Variants in GRB7 observed in about 807,000 individuals in gnomAD.
The protein encoded by GRB7 is growth factor receptor-bound protein 7.
Under a neutral mutation model 64.1 loss-of-function variants are expected in GRB7, and 47 were observed. The ratio of observed to expected loss-of-function variants is 0.73; its 90% confidence interval spans 0.58 to 0.94. The LOEUF (loss-of-function observed/expected upper bound fraction) is 0.94, where lower values mean the gene tolerates loss of function less well. Among genes scored for constraint, GRB7 ranks in the 40% least tolerant of loss-of-function variants. The probability of loss-of-function intolerance (pLI) is 0.00; values close to 1 mark genes in which losing one functional copy is unlikely to be tolerated. For synonymous variants in GRB7, 277 were observed against 279.9 expected (o/e 0.99, Z 0.10); for missense variants, 634 against 718.4 (o/e 0.88, Z 1.34).
rs548175182 is a variant in GRB7 at position 39,746,928 on chromosome 17, C to G, written c.*31C>G. On this transcript the variant is annotated 3_prime_UTR_variant, in exon 15 of 15. Coordinates refer to ENST00000309156, the MANE Select transcript of GRB7 (RefSeq NM_005310.5). ...CCGTGGACTGGCTCATGCCTCAGCCCGCCTTCAGGCTGCCCGCCGCCCCTC... is the reference window on the plus strand; with the variant it reads ...CCGTGGACTGGCTCATGCCTCAGCCGGCCTTCAGGCTGCCCGCCGCCCCTC... 6.3e-7 allele frequency: 1 copy of G among 1,580,574 alleles called. No homozygotes were observed. The highest frequency in any genetic ancestry group is 1.3e-5 in the African/African-American group (1 of 74,584).
At chr17:39,740,003 T>A (rs916836293) in intron 1 of GRB7, 3 of 985,392 alleles carry the variant, frequency 3.0e-6, no homozygotes, top group Non-Finnish European at 3.6e-6. Context: ...CTCTCTGATC[T>A]CTGAGGCCAG....
chr17:39,740,134 CCTGGAATGAAGTCA>C, intron 1 of GRB7: 1 of 985,636 alleles, frequency 1.0e-6, no homozygotes, highest in Non-Finnish European at 1.2e-6. Context: ...CCCCCTGCAG[CCTGGAATGAAGTCA>C]CTGGGGCTGT....
intron 1 of GRB7, chr17:39,740,129 T>A (rs1597901922): frequency 2.0e-6 from 2 of 985,498 alleles, no homozygotes; most frequent in South Asian, 9.4e-5. Flanking sequence ...CGTGGCCCCC[T>A]GCAGCCTGGA....
rs578261011 is a variant in GRB7, at chr17:39,743,311, T to C, written c.585+10T>C. On this transcript the variant is annotated intron_variant, in intron 5 of 14. Transcript: ENST00000309156. Reference sequence around the variant, plus strand: ...GTTCAAGAGCTCCCCAGTGAGTGCATGAGGGCTGTCTGGGCGCTGGGATGC... The same window carrying C: ...GTTCAAGAGCTCCCCAGTGAGTGCACGAGGGCTGTCTGGGCGCTGGGATGC... The C allele has an allele frequency of 3.8e-5, 61 of 1,614,186 alleles. 1 individual carries two copies. The highest frequency in any genetic ancestry group is 2.9e-4 in the South Asian group (26 of 91,088).
At chr17:39,743,925 C>A in intron 6 of GRB7, 145 bp from the exon 7 acceptor site, 1 of 975,322 alleles carries the variant, frequency 1.0e-6, no homozygotes, top group South Asian at 1.7e-5. Context: ...CTCGGGAGGT[C>A]GAGGTTGCAG....
At chr17:39,739,177 G>GC (rs1035161543) in intron 1 of GRB7, among the ~76,000 whole-genome samples, 3 of 82,486 alleles carry the variant, frequency 3.6e-5, no homozygotes, top group African/African-American at 1.5e-4. Context: ...TAGCCGCACC[G>GC]CCCCCCAGGA....
chr17:39,746,624 A>T, intron 14 of GRB7, 127 bp from the exon 15 acceptor site: 1 of 1,300,500 alleles, frequency 7.7e-7, no homozygotes, highest in Non-Finnish European at 1.0e-6. Flanking sequence ...CTCAAAAAAA[A>T]AAAAAGAAAG....
intron 1 of GRB7, chr17:39,740,050 C>T (rs2059981917): frequency 8.1e-6 from 8 of 985,502 alleles, no homozygotes; most frequent in Non-Finnish European, 9.6e-6. Context: ...TAACCCCTTC[C>T]AAGCACTGCC....
At chr17:39,743,635 C>G in intron 6 of GRB7, 165 bp downstream of exon 6, 1 of 644,672 alleles carries the variant, frequency 1.6e-6, no homozygotes, top group African/African-American at 1.8e-5. Context: ...TCAGTTTCTT[C>G]TATTAAATGG....
intron 6 of GRB7, 28 bp from the exon 7 acceptor site, chr17:39,744,042 C>G (rs1203984683): frequency 6.2e-7 from 1 of 1,612,990 alleles, no homozygotes; most frequent in East Asian, 2.2e-5. Context: ...TCAGACCTGT[C>G]ACTCTCCTCT....
In GRB7 at chr17:39,742,242, C is replaced by G; in HGVS notation, c.-50-10C>G. The G allele has an allele frequency of 6.2e-7, 1 of 1,604,836 alleles. No homozygotes were observed. Among genetic ancestry groups the G allele is most frequent in the East Asian group, 2.2e-5 (1 of 44,828 alleles). ...CAGGAGGTCTGAATTCTCTCATCCC[C>G]TCTCCCCAGGACAAGGGCACACAAC... On this transcript the variant is annotated splice_polypyrimidine_tract_variant and intron_variant, in intron 1 of 14. Coordinates refer to ENST00000309156, the MANE Select transcript of GRB7 (RefSeq NM_005310.5).
Position 39,746,199 on chromosome 17 carries a change from G to A in GRB7, c.1449G>A (p.Leu483=), listed in dbSNP as rs762393690. 8 of 1,612,808 alleles carry A rather than the reference G, an allele frequency of 5.0e-6. No homozygotes were observed. In the African/African-American group the frequency reaches 8.0e-5, roughly 16 times the overall value. The change falls in exon 14 of 15, where the codon CTG becomes CTA. Residue 483 remains leucine (L), a synonymous_variant. Coordinates refer to ENST00000309156, the MANE Select transcript of GRB7 (RefSeq NM_005310.5). ...HLQKVKHYLI[L]PSEEEGRLYF... ...AGAAAGTGAAGCATTATCTCATCCTGCCGGTGAGCTTCCCTGCGTCCCCGG... is the reference window on the plus strand; with the variant it reads ...AGAAAGTGAAGCATTATCTCATCCTACCGGTGAGCTTCCCTGCGTCCCCGG...
Position 39,746,733 on chromosome 17 carries a change from C to G in GRB7, c.1453-18C>G, listed in dbSNP as rs563356254. The stretch of plus-strand genomic sequence containing the variant: ...TCGGGCCCCTCCCTGAACTTCCACC[C>G]CCTTTACTGTACCCCAGAGCGAGGA... On this transcript the variant is annotated intron_variant, in intron 14 of 14. Coordinates refer to ENST00000309156, the MANE Select transcript of GRB7 (RefSeq NM_005310.5). The G allele has an allele frequency of 7.4e-6, 12 of 1,613,108 alleles. No individual in the cohort carries two copies. The East Asian group carries it at 2.5e-4, about 33-fold the overall frequency.
chr17:39,743,259 C>A lies in GRB7; in HGVS notation c.543C>A (p.Phe181Leu), dbSNP rs1476119490. Residue 181 changes from phenylalanine (F) to leucine (L), a missense_variant, in exon 5 of 15, where the codon TTC becomes TTA. Transcript: ENST00000309156. ...WPVGGDSRFV[F>L]RKNFAKYELF... is the part of the protein sequence containing the mutation. The stretch of plus-strand genomic sequence containing the variant: ...TGGGCGGAGATAGCCGCTTCGTCTT[C>A]CGGAAAAACTTCGCCAAGTACGAAC... The A allele has an allele frequency of 6.2e-7, 1 of 1,614,208 alleles. No homozygotes were observed. Among genetic ancestry groups the A allele is most frequent in the Non-Finnish European group, 8.5e-7 (1 of 1,180,036 alleles).
intron 14 of GRB7, 42 bp from the exon 15 acceptor site, chr17:39,746,709 C>T (rs367546209): frequency 1.9e-4 from 301 of 1,600,008 alleles, no homozygotes; most frequent in Middle Eastern, 1.0e-3. Flanking sequence ...TCCCAAGCCT[C>T]GGGCCCCTCC....
In GRB7 at chr17:39,742,988, C is replaced by T; in HGVS notation, c.397C>T (p.Gln133Ter). ...TCGCCACGTGTGTGAAATGCTGGTGCAGCGAGCTCACGCCTTGAGCGACGA... is the reference window on the plus strand; with the variant it reads ...TCGCCACGTGTGTGAAATGCTGGTGTAGCGAGCTCACGCCTTGAGCGACGA... ...TARHVCEMLV[Q>*]RAHALSDETW... Residue 133 changes from glutamine (Q) to a stop codon, truncating the protein, a stop_gained, in exon 4 of 15, where the codon CAG becomes TAG. Transcript: ENST00000309156. LOFTEE classifies it high-confidence loss of function. The T allele has an allele frequency of 6.2e-7, 1 of 1,613,320 alleles. No individual in the cohort carries two copies. Among genetic ancestry groups the T allele is most frequent in the East Asian group, 2.2e-5 (1 of 44,878 alleles).
Position 39,740,659 on chromosome 17 carries a change from C to G in GRB7, c.-50-1593C>G, listed in dbSNP as rs553340242. 3.9e-5 allele frequency among the ~76,000 whole-genome samples: 6 copies of G among 152,302 alleles called. No homozygotes were observed. The South Asian group carries it at 6.2e-4, about 16-fold the overall frequency. On this transcript the variant is annotated intron_variant, in intron 1 of 14. Transcript: ENST00000309156. Reference sequence around the variant, plus strand: ...GCCTCAGGCCCACATCCTCCTCCCCCATCCTGTTCCCAGCCCCGTGCCTCC... The same window carrying G: ...GCCTCAGGCCCACATCCTCCTCCCCGATCCTGTTCCCAGCCCCGTGCCTCC...
chr17:39,742,575 A>G lies in GRB7; in HGVS notation c.165A>G (p.Arg55=). Residue 55 remains arginine (R), a synonymous_variant, in exon 3 of 15, where the codon CGA becomes CGG. Coordinates refer to ENST00000309156, the MANE Select transcript of GRB7 (RefSeq NM_005310.5). ...TTTCTTCTTGCCACAGGAAACTTCG[A>G]GAGGAGGAGAGGCGTGCCACCTCCC... ...LLIPTTGRKL[R]EEERRATSLP... 5.6e-6 allele frequency: 9 copies of G among 1,613,716 alleles called. No homozygotes were observed. The South Asian group carries it at 8.8e-5, about 16-fold the overall frequency.
intron 1 of GRB7, chr17:39,740,225 G>A: frequency 1.1e-6 from 1 of 938,182 alleles, no homozygotes; most frequent in Non-Finnish European, 1.3e-6. Context: ...TGGTATTGAG[G>A]TGCTGGTGTC....
Sources: gnomAD v4.1 joint callset for allele counts (sites outside exome capture counted in the v4.1 genomes callset) on GRCh38, gnomAD v4.1.1 for gene constraint, MANE v1.5 for transcripts, NCBI Gene and HGNC (gene_info 2026-07-23, HGNC 2026-07-21) for gene names.